SLC45A1: variants seen among roughly 807,000 people sequenced by gnomAD.
SLC45A1 encodes solute carrier family 45 member 1.
In SLC45A1, 28 loss-of-function variants were observed where a neutral mutation model predicts 57.6. That is an observed-to-expected ratio of 0.49 (90% CI 0.36 to 0.67). The LOEUF (loss-of-function observed/expected upper bound fraction) is 0.67, where lower values mean the gene tolerates loss of function less well. SLC45A1 is among the 30% of genes least tolerant of loss of function. The pLI is 0.00. For synonymous variants in SLC45A1, 459 were observed against 471.5 expected (o/e 0.97, Z 0.34); for missense variants, 814 against 1,041.5 (o/e 0.78, Z 3.01).
chr1:8,318,160 A>G lies in SLC45A1; in HGVS notation c.-51A>G, dbSNP rs1157719843. 8.9e-6 allele frequency: 4 copies of G among 447,306 alleles called. No homozygotes were observed. The highest frequency in any genetic ancestry group is 4.1e-5 in the African/African-American group (2 of 48,842). The allele number at this position is 447,306 out of a possible 1,614,324, so 27.7% of individuals were successfully genotyped here. A position where few individuals can be genotyped will look rare whatever the true frequency, so the allele number is the denominator to read the frequency against. ...GGGCAGGCAGCAGCCCAGCGGGGAC[A>G]GGGATGCCTGCCGTCTCCACCCACA... On this transcript the variant is annotated 5_prime_UTR_variant, in exon 1 of 9. Transcript: ENST00000471889.
rs760581717 is a variant in SLC45A1 at position 8,339,725 on chromosome 1, G to A, written c.1980+27G>A. ...TAAGTGCTCTCCCTTGTCTTGCTTCGGGTCTGCTTCTTGGAGAAACCCCAC... is the reference window on the plus strand; with the variant it reads ...TAAGTGCTCTCCCTTGTCTTGCTTCAGGTCTGCTTCTTGGAGAAACCCCAC... On this transcript the variant is annotated intron_variant, in intron 8 of 8. Transcript: ENST00000471889. The A allele has an allele frequency of 1.7e-5, 27 of 1,602,782 alleles. 1 individual carries two copies. In the East Asian group the frequency reaches 2.5e-4, roughly 15 times the overall value.
At position 8,343,342 on chromosome 1, in the gene SLC45A1, G is replaced by A. The variant is rs1640889965; in HGVS notation, c.1981-405G>A. ...CGGACAGAGGACCAGCGGCTGTCAT[G>A]TGCAGAGGACTTTGGGGGTGTAGGG... On this transcript the variant is annotated intron_variant, in intron 8 of 8. Coordinates refer to ENST00000471889, the MANE Select transcript of SLC45A1 (RefSeq NM_001080397.3). This position sits in a 1 kb window ranked among gnomAD's most constrained non-coding sequence, Gnocchi z 7.7. Among the ~76,000 whole-genome samples, 1 of 152,214 alleles carries A rather than the reference G, an allele frequency of 6.6e-6. No individual in the cohort carries two copies. The highest frequency in any genetic ancestry group is 1.5e-5 in the Non-Finnish European group (1 of 68,030).
intron 1 of SLC45A1, among the ~76,000 whole-genome samples, chr1:8,323,859 C>CGG (rs34362563): frequency 3.9e-5 from 6 of 152,080 alleles, no homozygotes; most frequent in African/African-American, 7.2e-5. Context: ...CTCAGGGTGC[C>CGG]GGGGGGGTGG....
At chr1:8,332,358 A>G (rs1043953133) in intron 5 of SLC45A1, among the ~76,000 whole-genome samples, 1 of 152,164 alleles carries the variant, frequency 6.6e-6, no homozygotes, top group African/African-American at 2.4e-5. Context: ...CGGAGGCTAT[A>G]AAAACAGGAA....
In SLC45A1 at chr1:8,330,731, G is replaced by A. The variant is rs755211086; in HGVS notation, c.1238G>A (p.Arg413His). The change falls in exon 5 of 9, where the codon CGC (arginine) becomes CAC (histidine). Residue 413 changes from arginine to histidine, a missense_variant. Physicochemically the swap from Arg to His is conservative, Grantham distance 29. Transcript: ENST00000471889. The surrounding 1 kb of genome is among the most constrained non-coding windows in gnomAD (Gnocchi z 8.4). ...SFPRAPDGFY[R>H]QDRGLLEGRE... ...CCCCGGGCCCCCGACGGCTTCTACC[G>A]CCAGGACCGTGGACTTCTGGAGGGC... 1.7e-4 allele frequency: 276 copies of A among 1,613,076 alleles called. No individual in the cohort carries two copies. The highest frequency in any genetic ancestry group is 3.3e-4 in the Middle Eastern group (2 of 6,082).
intron 1 of SLC45A1, among the ~76,000 whole-genome samples, chr1:8,321,894 G>C (rs1311220590): frequency 6.7e-6 from 1 of 148,660 alleles, no homozygotes; most frequent in Non-Finnish European, 1.5e-5. Flanking sequence ...TGGGTGCATG[G>C]ATGGGTGGGT....
Position 8,330,237 on chromosome 1 carries a change from C to T in SLC45A1, c.744C>T (p.Val248=), listed in dbSNP as rs201967766. 174 of 1,613,780 alleles carry T rather than the reference C, an allele frequency of 1.1e-4. 1 individual carries two copies. The East Asian group carries it at 1.5e-3, about 14-fold the overall frequency. ...TCGGAGGAGGCTTTGGATACGTGGT[C>T]GGCGGAATCCACTGGGATAAAACGG... ...AGLGGGFGYV[V]GGIHWDKTGF... is the part of the protein sequence containing the mutation. Residue 248 remains valine (V), a synonymous_variant, in exon 5 of 9, where the codon GTC becomes GTT. Transcript: ENST00000471889. The surrounding 1 kb of genome is among the most constrained non-coding windows in gnomAD (Gnocchi z 8.4).
intron 5 of SLC45A1, among the ~76,000 whole-genome samples, chr1:8,334,002 T>C (rs1640514574): frequency 6.6e-6 from 1 of 152,194 alleles, no homozygotes; most frequent in Non-Finnish European, 1.5e-5. Context: ...TTCTAATCGC[T>C]CAGGTTGAGG....
Position 8,333,234 on chromosome 1 carries a change from C to G in SLC45A1, c.1444-2203C>G, listed in dbSNP as rs536152168. Among the ~76,000 whole-genome samples the G allele has an allele frequency of 4.6e-5, 7 of 150,978 alleles. No homozygotes were observed. In the Middle Eastern group the frequency reaches 0.014, roughly 293 times the overall value. On this transcript the variant is annotated intron_variant, in intron 5 of 8. Transcript: ENST00000471889. ...GGCTTGCACTGTTCATTTTCTTTTC[C>G]TTTCCTTTTTTTTTTTTCTTTTATT...
At chr1:8,321,339 A>G (rs1165538726) in intron 1 of SLC45A1, among the ~76,000 whole-genome samples, 2 of 152,090 alleles carry the variant, frequency 1.3e-5, no homozygotes, top group Admixed American at 6.6e-5. Context: ...TAAGTCTTTT[A>G]TAGAAGTGAC....
At chr1:8,333,151 G>A (rs867029809) in intron 5 of SLC45A1, among the ~76,000 whole-genome samples, 1 of 152,018 alleles carries the variant, frequency 6.6e-6, no homozygotes, top group South Asian at 2.1e-4. Flanking sequence ...AGGGGTTCAG[G>A]TGTCCCATCT....
chr1:8,326,531 C>T lies in SLC45A1; in HGVS notation c.715+489C>T, dbSNP rs1347436572. Among the ~76,000 whole-genome samples the T allele has an allele frequency of 3.3e-5, 5 of 152,178 alleles. No homozygotes were observed. The highest frequency in any genetic ancestry group is 5.9e-5 in the Non-Finnish European group (4 of 68,032). On this transcript the variant is annotated intron_variant, in intron 4 of 8. Coordinates refer to ENST00000471889, the MANE Select transcript of SLC45A1 (RefSeq NM_001080397.3). The surrounding 1 kb of genome is among the most constrained non-coding windows in gnomAD (Gnocchi z 5.5). ...GACAGCGCTGCAACTCAAGCCTGAA[C>T]GAAGCGTCACTGTCGCATGCATTTT...
chr1:8,340,506 G>T (rs532530132), intron 8 of SLC45A1, among the ~76,000 whole-genome samples: 4 of 152,164 alleles, frequency 2.6e-5, no homozygotes, highest in Non-Finnish European at 5.9e-5. Flanking sequence ...TGTACTAGGG[G>T]TTCTGATAGC....
chr1:8,319,907 G>A (rs55985071), intron 1 of SLC45A1, among the ~76,000 whole-genome samples: 35,616 of 151,876 alleles, frequency 0.23, 4,326 homozygotes, highest in Middle Eastern at 0.34. Flanking sequence ...TAGTAGAGAC[G>A]GGGTTTCTCC....
In SLC45A1 at chr1:8,326,713, T is replaced by G. The variant is rs1402570838; in HGVS notation, c.715+671T>G. The stretch of plus-strand genomic sequence containing the variant: ...TCTTGTTTCGGCCAGGCACAGTGGC[T>G]CATGCCTGTAATCCCAGCACTTTGG... On this transcript the variant is annotated intron_variant, in intron 4 of 8. Coordinates refer to ENST00000471889, the MANE Select transcript of SLC45A1 (RefSeq NM_001080397.3). The surrounding 1 kb of genome is among the most constrained non-coding windows in gnomAD (Gnocchi z 5.5). 6.6e-6 allele frequency among the ~76,000 whole-genome samples: 1 copy of G among 152,206 alleles called. No homozygotes were observed. Among genetic ancestry groups the G allele is most frequent in the East Asian group, 1.9e-4 (1 of 5,202 alleles).
At chr1:8,331,003 A>G (rs1640389954) in intron 5 of SLC45A1, 67 bp downstream of exon 5, 19 of 1,502,030 alleles carry the variant, frequency 1.3e-5, no homozygotes, top group Non-Finnish European at 1.5e-5. Context: ...GGTCAGTTAC[A>G]TGACAAAGAG....
In SLC45A1 at chr1:8,325,494, A is replaced by G. The variant is rs931085593; in HGVS notation, c.490+104A>G. ...AAAATGTTGACCAAAGCAGTTACCC[A>G]GATAGCTCTGGGCCCGCACTGGTGT... On this transcript the variant is annotated intron_variant, in intron 3 of 8. Coordinates refer to ENST00000471889, the MANE Select transcript of SLC45A1 (RefSeq NM_001080397.3). The surrounding 1 kb of genome is among the most constrained non-coding windows in gnomAD (Gnocchi z 6.3). 1.2e-6 allele frequency: 1 copy of G among 841,872 alleles called. No homozygotes were observed. Among genetic ancestry groups the G allele is most frequent in the African/African-American group, 1.7e-5 (1 of 58,172 alleles). The allele number at this position is 841,872 out of a possible 1,614,324, so 52.2% of individuals were successfully genotyped here.
At chr1:8,322,231 G>A (rs922746509) in intron 1 of SLC45A1, among the ~76,000 whole-genome samples, 7 of 14,444 alleles carry the variant, frequency 4.8e-4, no homozygotes, top group Non-Finnish European at 6.4e-4. Context: ...GGATGGATGG[G>A]TGGGTGGGTG....
chr1:8,321,310 A>G (rs1640003213), intron 1 of SLC45A1, among the ~76,000 whole-genome samples: 2 of 152,098 alleles, frequency 1.3e-5, no homozygotes, highest in Admixed American at 1.3e-4. Flanking sequence ...AAAGCGTGGT[A>G]TTTTCCAAAG....
Sources: gnomAD v4.1 joint callset for allele counts (sites outside exome capture counted in the v4.1 genomes callset) on GRCh38, gnomAD v4.1.1 for gene constraint, Gnocchi (gnomAD v3.1) non-coding constraint, MANE v1.5 for transcripts, NCBI Gene and HGNC (gene_info 2026-07-23, HGNC 2026-07-21) for gene names.